Variants in GPR160 observed in about 807,000 individuals in gnomAD.
GPR160 encodes G protein-coupled receptor 160, also known as probable G protein-coupled receptor 160.
A neutral mutation model predicts 2.6 loss-of-function variants in GPR160; 2 were observed. The observed-to-expected ratio is 0.77, with a 90% confidence interval of 0.32 to 2.44. The LOEUF (loss-of-function observed/expected upper bound fraction) is 2.44. Ranked by LOEUF, GPR160 falls within the 30% of genes most tolerant of loss-of-function variation. GPR160 has a pLI of 0.11. For synonymous variants in GPR160, 130 were observed against 132.2 expected (o/e 0.98, Z 0.12); for missense variants, 351 against 383.6 (o/e 0.91, Z 0.71).
chr3:170,079,721 CTA>C, intron 2 of GPR160, 51 bp from the exon 3 acceptor site: 1 of 152,186 alleles, frequency 6.6e-6, no homozygotes, highest in East Asian at 1.9e-4. Context: ...TGGACTCTTG[CTA>C]TTAAGATAGC....
At chr3:170,049,346 G>A (rs1716859970) in intron 2 of GPR160, among the ~76,000 whole-genome samples, 1 of 152,150 alleles carries the variant, frequency 6.6e-6, no homozygotes, top group Non-Finnish European at 1.5e-5. Flanking sequence ...CCTATTGTTA[G>A]ACATTAAGTT....
chr3:170,046,087 G>A (rs1457698715), intron 2 of GPR160, among the ~76,000 whole-genome samples: 1 of 152,168 alleles, frequency 6.6e-6, no homozygotes, highest in African/African-American at 2.4e-5. Flanking sequence ...TTACTGGGGA[G>A]AATTTCCCCC....
rs545731707 is a variant in GPR160 at position 170,077,242 on chromosome 3, A to G, written c.-192-2532A>G. The G allele has an allele frequency of 2.0e-5, 3 of 152,300 alleles. No individual in the cohort carries two copies. In the East Asian group the frequency reaches 5.8e-4, roughly 29 times the overall value. 9.4% of individuals were successfully genotyped at this position (152,300 alleles called of 1,614,324 possible). On this transcript the variant is annotated intron_variant, in intron 2 of 3. Coordinates refer to ENST00000355897, the MANE Select transcript of GPR160 (RefSeq NM_014373.3). ...CATCTCCCATCCTGTTGTCTAACGC[A>G]CATGGTTTTTTTAAACTTTTCTAAG... is the stretch of plus-strand genomic sequence containing the variant.
intron 2 of GPR160, among the ~76,000 whole-genome samples, chr3:170,050,903 T>C (rs1216117050): frequency 2.0e-5 from 3 of 152,374 alleles, no homozygotes; most frequent in East Asian, 1.9e-4. Context: ...ATGAATAATG[T>C]TGCTATAAAC....
chr3:170,057,520 C>A (rs1711708757), intron 2 of GPR160: 1 of 152,206 alleles, frequency 6.6e-6, no homozygotes, highest in South Asian at 2.1e-4. Flanking sequence ...TGGAGCCAGG[C>A]TCCAGGGAAT....
In GPR160 at chr3:170,080,423, C is replaced by T. The variant is rs550785360; in HGVS notation, c.-69+526C>T. ...TTATTGCCTCAAGTTGCCTGTCTTC[C>T]CCGCTCTTATTTTTCTTCTAGCTTT... is the stretch of plus-strand genomic sequence containing the variant. On this transcript the variant is annotated intron_variant, in intron 3 of 3. Transcript: ENST00000355897. Among the ~76,000 whole-genome samples the T allele has an allele frequency of 6.0e-4, 91 of 152,198 alleles. 1 individual carries two copies. Among genetic ancestry groups the T allele is most frequent in the African/African-American group, 2.2e-3 (90 of 41,510 alleles).
At chr3:170,062,386 G>T (rs1712008978) in intron 2 of GPR160, 3 of 354,154 alleles carry the variant, frequency 8.5e-6, no homozygotes, top group East Asian at 7.5e-5. Context: ...GGCAATCAAA[G>T]ATCTTTTCCT....
At chr3:170,062,656 C>A in intron 2 of GPR160, 1 of 1,435,688 alleles carries the variant, frequency 7.0e-7, no homozygotes, top group South Asian at 1.2e-5. Context: ...ATGCAGCCAT[C>A]GCCAAGCAAG....
At chr3:170,063,785 TG>T (rs1366950123) in intron 2 of GPR160, among the ~76,000 whole-genome samples, 1 of 152,096 alleles carries the variant, frequency 6.6e-6, no homozygotes, top group East Asian at 1.9e-4. Context: ...TTTAAAAGAT[TG>T]GGCAGTAAGC....
At position 170,061,659 on chromosome 3, in the gene GPR160, A is replaced by C. The variant is rs996623393; in HGVS notation, c.-192-18115A>C. On this transcript the variant is annotated intron_variant, in intron 2 of 3. Transcript: ENST00000355897. ...AAATGAAGTCTTATAAGACCACACTAAGATAACCATCATTAACACTTTGGT... is the reference window on the plus strand; with the variant it reads ...AAATGAAGTCTTATAAGACCACACTCAGATAACCATCATTAACACTTTGGT... Among the ~76,000 whole-genome samples, 3 of 152,178 alleles carry C rather than the reference A, an allele frequency of 2.0e-5. No individual in the cohort carries two copies. In the East Asian group the frequency reaches 5.8e-4, roughly 29 times the overall value.
intron 2 of GPR160, among the ~76,000 whole-genome samples, chr3:170,068,183 TCACCCAGCTGG>T (rs1233931993): frequency 6.6e-6 from 1 of 152,216 alleles, no homozygotes; most frequent in Non-Finnish European, 1.5e-5. Context: ...TCTTGCTCTG[TCACCCAGCTGG>T]AGTGCAGTGG....
rs1444423198 is a variant in GPR160 at position 170,084,098 on chromosome 3, A to G, written c.126A>G (p.Thr42=). The change falls in exon 4 of 4, where the codon ACA becomes ACG. Residue 42 remains threonine, a synonymous_variant. Transcript: ENST00000355897. ...GGAAAATATTATTAAATATCCTTAC[A>G]CTAGGAATGAGAAGAAAAAACACCT... is the stretch of plus-strand genomic sequence containing the variant. ...ILGKILLNIL[T]LGMRRKNTCQ... 1 of 1,594,658 alleles carries G rather than the reference A, an allele frequency of 6.3e-7. No individual in the cohort carries two copies. Among genetic ancestry groups the G allele is most frequent in the Non-Finnish European group, 8.6e-7 (1 of 1,167,964 alleles).
At position 170,066,130 on chromosome 3, in the gene GPR160, C is replaced by CTTTTTTTTTTTTT. The variant is rs768660597; in HGVS notation, c.-192-13628_-192-13616dup. Among the ~76,000 whole-genome samples, 299 of 85,246 alleles carry CTTTTTTTTTTTTT rather than the reference C, an allele frequency of 3.5e-3. 17 individuals are homozygous for CTTTTTTTTTTTTT. Among genetic ancestry groups the CTTTTTTTTTTTTT allele is most frequent in the African/African-American group, 9.2e-3 (179 of 19,474 alleles). The allele number at this position is 85,246 out of a possible 152,430, so 55.9% of individuals were successfully genotyped here. On this transcript the variant is annotated intron_variant, in intron 2 of 3. Transcript: ENST00000355897. ...ACTTGACACTATTCTTTTTCTTTTTCTTTTTTTTTTTTTTTTTTTTTTTTT... is the reference window on the plus strand; with the variant it reads ...ACTTGACACTATTCTTTTTCTTTTTCTTTTTTTTTTTTTTTTTTTTTTTTTTTTTTTTTTTTTT...
intron 2 of GPR160, among the ~76,000 whole-genome samples, chr3:170,061,299 AAACAAC>A (rs1215365424): frequency 6.6e-6 from 1 of 151,634 alleles, no homozygotes; most frequent in Admixed American, 6.6e-5. Context: ...GAAAGATAAA[AAACAAC>A]AACAACAACA....
At chr3:170,064,221 C>T (rs925316182) in intron 2 of GPR160, among the ~76,000 whole-genome samples, 68 of 152,304 alleles carry the variant, frequency 4.5e-4, no homozygotes, top group Middle Eastern at 3.4e-3. Context: ...GTTTTCCCCG[C>T]GTCCTGCTGG....
rs116570593 is a variant in GPR160, at chr3:170,040,454, T to C, written c.-193+1411T>C. On this transcript the variant is annotated intron_variant, in intron 2 of 3. Transcript: ENST00000355897. ...TCTCCCTACTGGAGGTGCCGATTTA[T>C]TTTGCTCAGAAGGCAGAGGGTGTTT... Among the ~76,000 whole-genome samples, 384 of 152,294 alleles carry C rather than the reference T, an allele frequency of 2.5e-3. 3 individuals carry two copies. The highest frequency in any genetic ancestry group is 8.9e-3 in the African/African-American group (369 of 41,558).
At chr3:170,082,208 A>G (rs1287103762) in intron 3 of GPR160, among the ~76,000 whole-genome samples, 4 of 152,204 alleles carry the variant, frequency 2.6e-5, no homozygotes, top group African/African-American at 9.6e-5. Context: ...CTTACATGAC[A>G]TGTTGCTGCA....
chr3:170,074,513 CT>C (rs770843150), intron 2 of GPR160, among the ~76,000 whole-genome samples: 33 of 151,490 alleles, frequency 2.2e-4, no homozygotes, highest in South Asian at 6.3e-4. Context: ...ACAGGGTCTT[CT>C]TCTGTCTCCC....
chr3:170,039,601 G>C (rs987555891), intron 2 of GPR160, among the ~76,000 whole-genome samples: 1 of 152,176 alleles, frequency 6.6e-6, no homozygotes, highest in African/African-American at 2.4e-5. Context: ...CCGGCTACTC[G>C]GGAAGGCTGA....
Sources: allele counts gnomAD v4.1 joint callset (sites outside exome capture counted in the v4.1 genomes callset), GRCh38; gene constraint gnomAD v4.1.1; transcripts MANE v1.5; gene names NCBI Gene and HGNC (gene_info 2026-07-23, HGNC 2026-07-21).